SLC25A14: variants seen among roughly 807,000 people sequenced by gnomAD.
SLC25A14 encodes solute carrier family 25 member 14.
In SLC25A14, 8 loss-of-function variants were observed where a neutral mutation model predicts 28.1. That is an observed-to-expected ratio of 0.28 (90% CI 0.17 to 0.51). The LOEUF is 0.51. Ranked by LOEUF, SLC25A14 falls within the 20% of genes least tolerant of loss-of-function variation. The probability of loss-of-function intolerance (pLI) is 0.97; values close to 1 mark genes in which losing one functional copy is unlikely to be tolerated. For synonymous variants in SLC25A14, 74 were observed against 90.6 expected (o/e 0.82, Z 1.04); for missense variants, 135 against 263.8 (o/e 0.51, Z 3.38).
Position 130,373,152 on chromosome X carries a change from G to A in SLC25A14, c.*202G>A, listed in dbSNP as rs528265146. ...TGTTAACTTTTCCCCGAGAGAAAGT[G>A]TTAACATTGAGACTCTGGCCCCAGA... On this transcript the variant is annotated 3_prime_UTR_variant, in exon 11 of 11. Transcript: ENST00000545805. 2 of 379,657 alleles carry A rather than the reference G, an allele frequency of 5.3e-6. No homozygotes were observed. The allele number at this position is 379,657 out of a possible 1,213,427, so 31.3% of individuals were successfully genotyped here.
chrX:130,349,160 A>G, intron 4 of SLC25A14, 91 bp from the exon 5 acceptor site: 1 of 473,010 alleles, frequency 2.1e-6, no homozygotes, highest in South Asian at 4.7e-5. Context: ...GTTGTTGGGT[A>G]GAATGAGATG....
chrX:130,372,588 G>A (rs916553859), intron 10 of SLC25A14, among the ~76,000 whole-genome samples: 4 of 108,090 alleles, frequency 3.7e-5, no homozygotes, highest in Non-Finnish European at 5.7e-5. Context: ...TCAGCCTCCC[G>A]AGTAGCTGGG....
At chrX:130,353,528 TA>T (rs1304359382) in intron 6 of SLC25A14, among the ~76,000 whole-genome samples, 1 of 111,692 alleles carries the variant, frequency 9.0e-6, no homozygotes, top group Non-Finnish European at 1.9e-5. Context: ...TGCTCAAGTT[TA>T]AAAAAAACCT....
chrX:130,363,726 T>G (rs1438410585), intron 7 of SLC25A14, among the ~76,000 whole-genome samples: 1 of 111,559 alleles, frequency 9.0e-6, no homozygotes, highest in Non-Finnish European at 1.9e-5. Flanking sequence ...TACTTTTTCT[T>G]TCTTAATTTT....
chrX:130,355,970 C>T (rs190318583), intron 6 of SLC25A14, among the ~76,000 whole-genome samples: 298 of 110,999 alleles, frequency 2.7e-3, no homozygotes, highest in Non-Finnish European at 2.2e-3. Context: ...AAGGTCATAC[C>T]GAGTCATGTG....
chrX:130,350,843 G>A, intron 6 of SLC25A14, 112 bp downstream of exon 6: 1 of 382,189 alleles, frequency 2.6e-6, no homozygotes, highest in Non-Finnish European at 4.6e-6. Flanking sequence ...TCAGTTAACT[G>A]CATTAAGCCT....
intron 4 of SLC25A14, among the ~76,000 whole-genome samples, chrX:130,348,287 C>T (rs2033506216): frequency 9.0e-6 from 1 of 110,503 alleles, no homozygotes; most frequent in African/African-American, 3.3e-5. Context: ...ACCTAATCAC[C>T]TCCTATTACC....
chrX:130,364,579 T>C, intron 7 of SLC25A14, 49 bp from the exon 8 acceptor site: 1 of 1,032,331 alleles, frequency 9.7e-7, no homozygotes, highest in South Asian at 1.9e-5. Context: ...CTCTAAGACA[T>C]CACTCCCTTT....
At chrX:130,341,741 A>G (rs2033267931) in intron 2 of SLC25A14, among the ~76,000 whole-genome samples, 1 of 112,458 alleles carries the variant, frequency 8.9e-6, no homozygotes, top group African/African-American at 3.2e-5. Flanking sequence ...TTAGGGTACT[A>G]TATTTTTATT....
rs757521632 is a variant in SLC25A14 at position 130,358,945 on chromosome X, A to G, written c.594+210A>G. 85 of 811,733 alleles carry G rather than the reference A, an allele frequency of 1.0e-4. No individual in the cohort carries two copies. The African/African-American group carries it at 1.7e-3, about 16-fold the overall frequency. The allele number at this position is 811,733 out of a possible 1,213,427, so 66.9% of individuals were successfully genotyped here. A position where few individuals can be genotyped will look rare whatever the true frequency, so the allele number is the denominator to read the frequency against. ...TTATATAGGTGGGGAAAGTTATTAC[A>G]TTATTTGAGATGGCTGTTTCGATCA... On this transcript the variant is annotated intron_variant, in intron 7 of 10. Transcript: ENST00000545805.
intron 7 of SLC25A14, among the ~76,000 whole-genome samples, chrX:130,363,539 T>G (rs1310105012): frequency 8.9e-6 from 1 of 111,791 alleles, no homozygotes; most frequent in African/African-American, 3.3e-5. Context: ...GAACATCTAT[T>G]TTCAGTTCTC....
chrX:130,344,486 T>G (rs1355832339), intron 2 of SLC25A14, among the ~76,000 whole-genome samples: 1 of 110,672 alleles, frequency 9.0e-6, no homozygotes, highest in Non-Finnish European at 1.9e-5. Context: ...AACTAGAACA[T>G]AAAAGAAGAA....
At chrX:130,340,430 A>T in intron 2 of SLC25A14, 77 bp downstream of exon 2, 1 of 1,090,332 alleles carries the variant, frequency 9.2e-7, no homozygotes, top group African/African-American at 1.8e-5. Context: ...ACCCCCTGTC[A>T]CTCCTGAGGT....
chrX:130,371,667 CA>C (rs756348315), intron 10 of SLC25A14, 23 bp downstream of exon 10: 1 of 1,062,595 alleles, frequency 9.4e-7, no homozygotes, highest in Non-Finnish European at 1.3e-6. Flanking sequence ...AGAATGAAAG[CA>C]AGTGCTTCAA....
intron 7 of SLC25A14, among the ~76,000 whole-genome samples, chrX:130,359,913 C>T (rs1306291064): frequency 9.0e-6 from 1 of 110,981 alleles, no homozygotes; most frequent in African/African-American, 3.3e-5. Flanking sequence ...CTTCATTGTG[C>T]ATCTCCTAAG....
rs756940204 is a variant in SLC25A14 at position 130,355,404 on chromosome X, ATGAG to A, written c.499-3230_499-3227del. 1.4e-4 allele frequency among the ~76,000 whole-genome samples: 16 copies of A among 112,352 alleles called. No individual in the cohort carries two copies. The South Asian group carries it at 5.2e-3, about 36-fold the overall frequency. ...GTTTTGGAGAAACAATTTCAAACAT[ATGAG>A]TGAGTAGAAAATAACATAGTACAGT... On this transcript the variant is annotated intron_variant, in intron 6 of 10. Transcript: ENST00000545805.
chrX:130,349,188 G>A, intron 4 of SLC25A14, 63 bp from the exon 5 acceptor site: 1 of 648,642 alleles, frequency 1.5e-6, no homozygotes, highest in Non-Finnish European at 2.3e-6. Flanking sequence ...CAAATAAGTA[G>A]GCTATCTAGA....
Position 130,340,504 on chromosome X carries a change from CA to C in SLC25A14, c.75+153del, listed in dbSNP as rs2033218173. On this transcript the variant is annotated intron_variant, in intron 2 of 10. Transcript: ENST00000545805. ...ACTTGATTGGCATGACAGCTGTTAT[CA>C]ACATGAATTAGTTTCTCAGACAGGA... 5 of 564,328 alleles carry C rather than the reference CA, an allele frequency of 8.9e-6. No individual in the cohort carries two copies. The Admixed American group carries it at 9.8e-5, about 11-fold the overall frequency. The allele number at this position is 564,328 out of a possible 1,213,427, so 46.5% of individuals were successfully genotyped here. A position where few individuals can be genotyped will look rare whatever the true frequency, so the allele number is the denominator to read the frequency against.
At chrX:130,346,417 A>C in intron 3 of SLC25A14, 127 bp from the exon 4 acceptor site, 7 of 516,042 alleles carry the variant, frequency 1.4e-5, no homozygotes, top group South Asian at 3.1e-5. Context: ...GTATTCTACT[A>C]GAGCTCTTCT....
Sources: allele counts gnomAD v4.1 joint callset (sites outside exome capture counted in the v4.1 genomes callset), GRCh38; gene constraint gnomAD v4.1.1; transcripts MANE v1.5; gene names NCBI Gene and HGNC (gene_info 2026-07-23, HGNC 2026-07-21).